The following CCSER1 variants were observed in gnomAD, a reference collection of about 807,000 sequenced individuals.
The protein encoded by CCSER1 is coiled-coil serine rich protein 1.
In CCSER1, 41 loss-of-function variants were observed where a neutral mutation model predicts 82.0. That is an observed-to-expected ratio of 0.50 (90% CI 0.39 to 0.65). The LOEUF (loss-of-function observed/expected upper bound fraction) is 0.65. Ranked by LOEUF, CCSER1 falls within the 30% of genes least tolerant of loss-of-function variation. The pLI, the probability that CCSER1 is intolerant of heterozygous loss-of-function variation, is 0.00. For synonymous variants in CCSER1, 414 were observed against 383.9 expected (o/e 1.08, Z -0.92); for missense variants, 1,119 against 1,064.2 (o/e 1.05, Z -0.72).
At chr4:90,637,716 A>G (rs1449789251) in intron 6 of CCSER1, among the ~76,000 whole-genome samples, 2 of 152,162 alleles carry the variant, frequency 1.3e-5, no homozygotes, top group African/African-American at 2.4e-5. Context: ...ACATGTTAGT[A>G]GTTTTTTGGT....
intron 5 of CCSER1, 123 bp downstream of exon 5, chr4:90,468,477 T>A: frequency 1.2e-6 from 1 of 814,922 alleles, no homozygotes; most frequent in Non-Finnish European, 1.8e-6. Context: ...TTTTATGGGT[T>A]AAAAAATCAT....
chr4:91,098,755 G>A (rs1298144960), intron 10 of CCSER1, among the ~76,000 whole-genome samples: 1 of 152,026 alleles, frequency 6.6e-6, no homozygotes, highest in East Asian at 1.9e-4. Flanking sequence ...GTTAGCCAGG[G>A]TGGTCTGGAT....
intron 8 of CCSER1, among the ~76,000 whole-genome samples, chr4:90,874,705 C>T (rs1228655866): frequency 6.6e-6 from 1 of 152,120 alleles, no homozygotes; most frequent in Non-Finnish European, 1.5e-5. Flanking sequence ...TTGTTTTCTT[C>T]TCCTTGCTCA....
intron 10 of CCSER1, among the ~76,000 whole-genome samples, chr4:91,489,360 T>C (rs1288270692): frequency 1.3e-5 from 2 of 152,194 alleles, no homozygotes; most frequent in Non-Finnish European, 1.5e-5. Context: ...AGTTCTTTTT[T>C]TGTTTCTTAC....
intron 7 of CCSER1, among the ~76,000 whole-genome samples, chr4:90,766,897 G>T (rs559553266): frequency 3.3e-5 from 5 of 152,000 alleles, no homozygotes; most frequent in African/African-American, 9.6e-5. Flanking sequence ...GCTCATACGA[G>T]ATGTGATCTA....
In CCSER1 at chr4:91,516,022, C is replaced by T. The variant is rs532401813; in HGVS notation, c.2218-82550C>T. 7.2e-5 allele frequency among the ~76,000 whole-genome samples: 11 copies of T among 151,910 alleles called. No homozygotes were observed. In the South Asian group the frequency reaches 8.3e-4, roughly 12 times the overall value. ...ATGTATGTCTTCTTTTAAAAAGTGTCGTTCAAGTATTTGTCCCACTTTTTA... is the reference window on the plus strand; with the variant it reads ...ATGTATGTCTTCTTTTAAAAAGTGTTGTTCAAGTATTTGTCCCACTTTTTA... On this transcript the variant is annotated intron_variant, in intron 10 of 10. Coordinates refer to ENST00000509176, the MANE Select transcript of CCSER1 (RefSeq NM_001145065.2).
intron 10 of CCSER1, among the ~76,000 whole-genome samples, chr4:91,345,565 C>T (rs1407601906): frequency 1.3e-5 from 2 of 152,030 alleles, no homozygotes; most frequent in Admixed American, 6.6e-5. Context: ...CTAAAATGAG[C>T]AGAAAGTGCA....
At chr4:90,350,481 T>A (rs1462025440) in intron 3 of CCSER1, among the ~76,000 whole-genome samples, 1 of 152,104 alleles carries the variant, frequency 6.6e-6, no homozygotes, top group Non-Finnish European at 1.5e-5. Context: ...GAGGTAAGAT[T>A]GTTATTATTT....
chr4:90,583,607 C>T lies in CCSER1; in HGVS notation c.1725-44418C>T, dbSNP rs548650190. ...AAAATGTTAACCTATATCTTGGTGA[C>T]GACCGAAACTTTAATTTTTTTGCAG... is the stretch of plus-strand genomic sequence containing the variant. On this transcript the variant is annotated intron_variant, in intron 5 of 10. Transcript: ENST00000509176. 2.8e-4 allele frequency among the ~76,000 whole-genome samples: 43 copies of T among 152,070 alleles called. 1 individual carries two copies. Among genetic ancestry groups the T allele is most frequent in the South Asian group, 8.3e-4 (4 of 4,814 alleles).
At chr4:90,801,349 A>T (rs1345821364) in intron 7 of CCSER1, among the ~76,000 whole-genome samples, 1 of 152,212 alleles carries the variant, frequency 6.6e-6, no homozygotes, top group African/African-American at 2.4e-5. Context: ...AAATTAAGAA[A>T]GATTGTGATA....
chr4:90,523,929 C>A (rs1421735946), intron 5 of CCSER1, among the ~76,000 whole-genome samples: 1 of 151,950 alleles, frequency 6.6e-6, no homozygotes, highest in East Asian at 1.9e-4. Context: ...AATAGCATAT[C>A]CTGTGTACAT....
intron 9 of CCSER1, among the ~76,000 whole-genome samples, chr4:91,038,944 C>T (rs944422796): frequency 6.6e-6 from 1 of 152,108 alleles, no homozygotes; most frequent in Non-Finnish European, 1.5e-5. Flanking sequence ...ATCAGTGAAC[C>T]CTAAACAGGC....
chr4:91,071,963 A>G (rs1721483612), intron 9 of CCSER1, among the ~76,000 whole-genome samples: 1 of 152,134 alleles, frequency 6.6e-6, no homozygotes, highest in South Asian at 2.1e-4. Context: ...TAGAAATAAT[A>G]CCCCATAAAG....
At chr4:91,043,417 T>C (rs1742146457) in intron 9 of CCSER1, among the ~76,000 whole-genome samples, 1 of 152,022 alleles carries the variant, frequency 6.6e-6, no homozygotes, top group Admixed American at 6.6e-5. Flanking sequence ...CCATTTCTTA[T>C]CCCTAGAATT....
At chr4:91,024,543 C>T (rs1740316876) in intron 9 of CCSER1, among the ~76,000 whole-genome samples, 1 of 151,936 alleles carries the variant, frequency 6.6e-6, no homozygotes, top group Admixed American at 6.6e-5. Flanking sequence ...TCTGTGAATA[C>T]TAAAATCCTT....
chr4:91,478,773 A>G (rs1013081085), intron 10 of CCSER1, among the ~76,000 whole-genome samples: 1 of 151,870 alleles, frequency 6.6e-6, no homozygotes. Context: ...CTTTATATAT[A>G]CCACAAGAGA....
chr4:91,391,121 A>G (rs1422968245), intron 10 of CCSER1, among the ~76,000 whole-genome samples: 1 of 151,964 alleles, frequency 6.6e-6, no homozygotes, highest in South Asian at 2.1e-4. Flanking sequence ...GATTTAATTT[A>G]TTAAGGTGGA....
At chr4:90,806,946 G>A (rs1757593379) in intron 7 of CCSER1, among the ~76,000 whole-genome samples, 2 of 151,216 alleles carry the variant, frequency 1.3e-5, no homozygotes, top group South Asian at 2.1e-4. Flanking sequence ...TTGATTCCTG[G>A]AGAACCAACT....
chr4:90,631,463 A>C (rs1302987444), intron 6 of CCSER1, among the ~76,000 whole-genome samples: 1 of 152,102 alleles, frequency 6.6e-6, no homozygotes. Flanking sequence ...GTTGTTTTTG[A>C]GGGAACATCT....
Sources: allele counts gnomAD v4.1 joint callset (sites outside exome capture counted in the v4.1 genomes callset), GRCh38; gene constraint gnomAD v4.1.1; transcripts MANE v1.5; gene names NCBI Gene and HGNC (gene_info 2026-07-23, HGNC 2026-07-21).